Variants in TAFA5 observed in about 807,000 individuals in gnomAD.
The protein encoded by TAFA5 is chemokine-like protein TAFA-5.
Under a neutral mutation model 15.3 loss-of-function variants are expected in TAFA5, and 6 were observed. That is an observed-to-expected ratio of 0.39 (90% CI 0.21 to 0.77). The LOEUF is 0.77. TAFA5 is among the 30% of genes least tolerant of loss of function. The pLI, the probability that TAFA5 is intolerant of heterozygous loss-of-function variation, is 0.41. For missense variants in TAFA5, 161 were observed against 193.1 expected (o/e 0.83, Z 0.98); for synonymous variants, 103 against 80.7 (o/e 1.28, Z -1.48).
At chr22:48,693,674 C>T (rs545109703) in intron 2 of TAFA5, among the ~76,000 whole-genome samples, 10 of 152,092 alleles carry the variant, frequency 6.6e-5, no homozygotes, top group Admixed American at 1.3e-4. Flanking sequence ...CGCACCACAC[C>T]GGGCTTTGGT....
At chr22:48,665,726 A>G (rs1298286226) in intron 2 of TAFA5, among the ~76,000 whole-genome samples, 1 of 152,174 alleles carries the variant, frequency 6.6e-6, no homozygotes, top group Non-Finnish European at 1.5e-5. Flanking sequence ...ATCCCTGAAT[A>G]TATTATATCT....
chr22:48,655,169 A>AT (rs1927190848), intron 2 of TAFA5, among the ~76,000 whole-genome samples: 1 of 152,178 alleles, frequency 6.6e-6, no homozygotes, highest in Non-Finnish European at 1.5e-5. Context: ...TCCACTCCAC[A>AT]TCCAGCCCTG....
intron 1 of TAFA5, among the ~76,000 whole-genome samples, chr22:48,513,809 C>T (rs1231722274): frequency 6.6e-6 from 1 of 152,218 alleles, no homozygotes; most frequent in Non-Finnish European, 1.5e-5. Flanking sequence ...TCTGCCCACT[C>T]CCACAGTGCT....
At chr22:48,492,658 A>G (rs1056405935) in intron 1 of TAFA5, among the ~76,000 whole-genome samples, 1 of 152,034 alleles carries the variant, frequency 6.6e-6, no homozygotes, top group Non-Finnish European at 1.5e-5. Flanking sequence ...GTGCCAGGAG[A>G]CGCAAACAGG....
intron 1 of TAFA5, among the ~76,000 whole-genome samples, chr22:48,601,156 A>G (rs28798505): frequency 0.45 from 68,394 of 152,022 alleles, 15,921 homozygotes; most frequent in Non-Finnish European, 0.51. Context: ...ACACTTTGTC[A>G]TAGGTTTGTA....
chr22:48,660,698 G>C (rs1235029228), intron 2 of TAFA5, among the ~76,000 whole-genome samples: 1 of 152,222 alleles, frequency 6.6e-6, no homozygotes, highest in Non-Finnish European at 1.5e-5. Context: ...GCCCCACTGG[G>C]CTCCGCCCTG....
At chr22:48,508,125 C>G (rs528821245) in intron 1 of TAFA5, among the ~76,000 whole-genome samples, 4 of 152,284 alleles carry the variant, frequency 2.6e-5, no homozygotes, top group African/African-American at 9.6e-5. Context: ...GTGGACAGCC[C>G]TGATGCGTGG....
chr22:48,693,727 G>A (rs1291567404), intron 2 of TAFA5, among the ~76,000 whole-genome samples: 2 of 152,044 alleles, frequency 1.3e-5, no homozygotes, highest in African/African-American at 2.4e-5. Flanking sequence ...GTCCTGCTCC[G>A]GGCCTTGGTT....
intron 1 of TAFA5, among the ~76,000 whole-genome samples, chr22:48,522,452 T>G (rs903852799): frequency 6.6e-6 from 1 of 152,002 alleles, no homozygotes; most frequent in African/African-American, 2.4e-5. Context: ...AGAGTCTCCC[T>G]CCCTCAGTGG....
chr22:48,542,262 G>C (rs1267785734), intron 1 of TAFA5, among the ~76,000 whole-genome samples: 1 of 142,928 alleles, frequency 7.0e-6, no homozygotes. Flanking sequence ...GTGTATGTGT[G>C]TGTGGTGTGT....
intron 1 of TAFA5, among the ~76,000 whole-genome samples, chr22:48,546,022 C>A (rs1388283567): frequency 6.6e-6 from 1 of 152,222 alleles, no homozygotes; most frequent in Non-Finnish European, 1.5e-5. Context: ...CCAGGCCCGT[C>A]GCTGGGCGGG....
chr22:48,589,752 C>A (rs1247464162), intron 1 of TAFA5, among the ~76,000 whole-genome samples: 1 of 152,098 alleles, frequency 6.6e-6, no homozygotes, highest in Non-Finnish European at 1.5e-5. Flanking sequence ...TGGCCACACG[C>A]TGAGGAGCAC....
rs145048663 is a variant in TAFA5, at chr22:48,642,847, T to C, written c.113-3750T>C. Among the ~76,000 whole-genome samples, 318 of 152,200 alleles carry C rather than the reference T, an allele frequency of 2.1e-3. 7 individuals carry two copies. The East Asian group carries it at 0.052, about 25-fold the overall frequency. On this transcript the variant is annotated intron_variant, in intron 1 of 3. Transcript: ENST00000402357. ...GTGTGTGTGCATGCACACGTGTGTG[T>C]GAGTCCTGTGTGGTACACAGGGGGA...
At chr22:48,641,635 C>T (rs1407518835) in intron 1 of TAFA5, among the ~76,000 whole-genome samples, 6 of 150,630 alleles carry the variant, frequency 4.0e-5, no homozygotes, top group Admixed American at 3.3e-4. Context: ...CCCTTCCCCC[C>T]CGCACACCCT....
At chr22:48,749,728 C>T in intron 3 of TAFA5, 111 bp from the exon 4 acceptor site, 1 of 1,261,362 alleles carries the variant, frequency 7.9e-7, no homozygotes, top group Non-Finnish European at 1.1e-6. Context: ...CGTTTCAGGC[C>T]CTCCAGGAGG....
At chr22:48,669,487 A>G (rs936038192) in intron 2 of TAFA5, among the ~76,000 whole-genome samples, 1 of 152,250 alleles carries the variant, frequency 6.6e-6, no homozygotes, top group Non-Finnish European at 1.5e-5. Context: ...CATCCCAGGC[A>G]GATTTGCCAG....
chr22:48,652,518 G>T (rs1927090288), intron 2 of TAFA5, among the ~76,000 whole-genome samples: 1 of 152,230 alleles, frequency 6.6e-6, no homozygotes, highest in African/African-American at 2.4e-5. Context: ...AGCCCTTCCT[G>T]CGTTGAGCCC....
intron 1 of TAFA5, among the ~76,000 whole-genome samples, chr22:48,581,172 A>G (rs1924024812): frequency 6.6e-6 from 1 of 152,246 alleles, no homozygotes; most frequent in South Asian, 2.1e-4. Context: ...GTCTCTGACA[A>G]CTGTAAAAGT....
Position 48,530,605 on chromosome 22 carries a change from C to T in TAFA5, c.112+40901C>T, listed in dbSNP as rs965550751. Among the ~76,000 whole-genome samples the T allele has an allele frequency of 3.3e-5, 5 of 152,112 alleles. No homozygotes were observed. Among genetic ancestry groups the T allele is most frequent in the Admixed American group, 3.3e-4 (5 of 15,280 alleles). ...AGAGGGTGGGCAAGAAACCAGCGCT[C>T]CCCTGGCTCCCTCCCTTCCCATCCC... On this transcript the variant is annotated intron_variant, in intron 1 of 3. Coordinates refer to ENST00000402357, the MANE Select transcript of TAFA5 (RefSeq NM_001082967.3). The surrounding 1 kb of genome is among the most constrained non-coding windows in gnomAD (Gnocchi z 6.0).
Sources: gnomAD v4.1 joint callset for allele counts (sites outside exome capture counted in the v4.1 genomes callset) on GRCh38, gnomAD v4.1.1 for gene constraint, Gnocchi (gnomAD v3.1) non-coding constraint, MANE v1.5 for transcripts, NCBI Gene and HGNC (gene_info 2026-07-23, HGNC 2026-07-21) for gene names.